Variants in SLC5A7 observed in about 807,000 individuals in gnomAD.
SLC5A7 encodes the protein solute carrier family 5 member 7.
A neutral mutation model predicts 55.4 loss-of-function variants in SLC5A7; 19 were observed. That is an observed-to-expected ratio of 0.34 (90% CI 0.24 to 0.50). The LOEUF is 0.50. Ranked by LOEUF, SLC5A7 falls within the 20% of genes least tolerant of loss-of-function variation. The pLI, the probability that SLC5A7 is intolerant of heterozygous loss-of-function variation, is 0.98. For synonymous variants in SLC5A7, 265 were observed against 263.7 expected (o/e 1.00, Z -0.05); for missense variants, 506 against 705.3 (o/e 0.72, Z 3.20).
intron 7 of SLC5A7, among the ~76,000 whole-genome samples, chr2:108,006,417 A>C (rs371648340): frequency 1.2e-3 from 146 of 126,566 alleles, no homozygotes; most frequent in African/African-American, 4.1e-3. Flanking sequence ...ACGGGGTTTC[A>C]TCATGTTGGT....
chr2:107,992,238 C>T lies in SLC5A7; in HGVS notation c.292+19C>T, dbSNP rs1440526083. 1 of 1,415,318 alleles carries T rather than the reference C, an allele frequency of 7.1e-7. No homozygotes were observed. Among genetic ancestry groups the T allele is most frequent in the Non-Finnish European group, 1.0e-6 (1 of 999,544 alleles). 87.7% of individuals were successfully genotyped at this position (1,415,318 alleles called of 1,614,324 possible). ...ATTTTAGGTAAGTGAAAGTGCAAAT[C>T]TCAGTGACTCACTCAGTAAAGTATA... On this transcript the variant is annotated intron_variant, in intron 3 of 8. Transcript: ENST00000264047.
At chr2:107,989,445 A>G (rs1182349759) in intron 2 of SLC5A7, among the ~76,000 whole-genome samples, 1 of 152,188 alleles carries the variant, frequency 6.6e-6, no homozygotes, top group Non-Finnish European at 1.5e-5. Context: ...GTGAGCCATC[A>G]GTTTTATCTT....
intron 8 of SLC5A7, among the ~76,000 whole-genome samples, 163 bp from the exon 9 acceptor site, chr2:108,010,069 T>C (rs1240864134): frequency 6.6e-6 from 1 of 152,164 alleles, no homozygotes; most frequent in Non-Finnish European, 1.5e-5. Context: ...CCTTGATTGT[T>C]TGCTTTGGGT....
At chr2:107,991,029 GGT>G (rs1677433475) in intron 2 of SLC5A7, among the ~76,000 whole-genome samples, 2 of 152,096 alleles carry the variant, frequency 1.3e-5, no homozygotes. Flanking sequence ...ACCTCAACAA[GGT>G]GTAAACTGCA....
chr2:108,004,289 G>C (rs1678024385), intron 6 of SLC5A7, among the ~76,000 whole-genome samples: 1 of 152,146 alleles, frequency 6.6e-6, no homozygotes, highest in African/African-American at 2.4e-5. Flanking sequence ...ATGATATATT[G>C]ATAAAACAGG....
At chr2:108,005,572 G>A (rs906799703) in intron 6 of SLC5A7, among the ~76,000 whole-genome samples, 1 of 152,126 alleles carries the variant, frequency 6.6e-6, no homozygotes, top group African/African-American at 2.4e-5. Context: ...AGTTCAGTTG[G>A]GTAACAAAGC....
intron 1 of SLC5A7, among the ~76,000 whole-genome samples, chr2:107,987,077 T>G (rs1677273878): frequency 6.6e-6 from 1 of 152,030 alleles, no homozygotes; most frequent in African/African-American, 2.4e-5. Flanking sequence ...GCGCTTCTTT[T>G]GCCTCCTTTA....
intron 5 of SLC5A7, among the ~76,000 whole-genome samples, chr2:108,000,097 C>T (rs181121242): frequency 1.8e-4 from 28 of 152,286 alleles, no homozygotes; most frequent in African/African-American, 5.8e-4. Context: ...TTATCTCTCC[C>T]ATTTCCCCAA....
chr2:108,011,422 A>G lies in SLC5A7; in HGVS notation c.*561A>G, dbSNP rs1230648331. ...AATTTGTTATTCTTTTATTAATGGC[A>G]TGTAATATTCTGAGCACGGGCAAAG... On this transcript the variant is annotated 3_prime_UTR_variant, in exon 9 of 9. Transcript: ENST00000264047. 6.6e-6 allele frequency: 1 copy of G among 152,218 alleles called. No individual in the cohort carries two copies. Among genetic ancestry groups the G allele is most frequent in the Non-Finnish European group, 1.5e-5 (1 of 68,044 alleles). 9.4% of individuals were successfully genotyped at this position (152,218 alleles called of 1,614,324 possible).
rs1226373610 is a variant in SLC5A7, at chr2:108,011,868, A to G, written c.*1007A>G. On this transcript the variant is annotated 3_prime_UTR_variant, in exon 9 of 9. Coordinates refer to ENST00000264047, the MANE Select transcript of SLC5A7 (RefSeq NM_021815.5). ...CTCCACAACACCTCCTGATAGTAGT[A>G]AAATTAGAAAAAAACAAACTCTACT... 6.6e-6 allele frequency: 1 copy of G among 152,336 alleles called. No homozygotes were observed. Among genetic ancestry groups the G allele is most frequent in the Non-Finnish European group, 1.5e-5 (1 of 68,020 alleles). 9.4% of individuals were successfully genotyped at this position (152,336 alleles called of 1,614,324 possible).
In SLC5A7 at chr2:107,994,399, T is replaced by C. The variant is rs575915088; in HGVS notation, c.448+1272T>C. Among the ~76,000 whole-genome samples the C allele has an allele frequency of 1.0e-3, 152 of 152,096 alleles. 1 individual carries two copies. The highest frequency in any genetic ancestry group is 2.0e-3 in the African/African-American group (81 of 41,496). On this transcript the variant is annotated intron_variant, in intron 4 of 8. Transcript: ENST00000264047. ...GAGATCGAGACCATCCTGGCCAACATAGTGAAACCCCATCTCTACTAAAAA... is the reference window on the plus strand; with the variant it reads ...GAGATCGAGACCATCCTGGCCAACACAGTGAAACCCCATCTCTACTAAAAA...
Position 107,997,854 on chromosome 2 carries a change from G to A in SLC5A7, c.465G>A (p.Val155=). ...TTGTTTCAGGAGCCACCATCAGCGTGATCATCGATGTGGATATGCACATTT... is the reference window on the plus strand; with the variant it reads ...TTGTTTCAGGAGCCACCATCAGCGTAATCATCGATGTGGATATGCACATTT... ...IFSALGATIS[V]IIDVDMHISV... is the part of the protein sequence containing the mutation. Residue 155 remains valine, a synonymous_variant, in exon 5 of 9, where the codon GTG becomes GTA. Coordinates refer to ENST00000264047, the MANE Select transcript of SLC5A7 (RefSeq NM_021815.5). 6.2e-7 allele frequency: 1 copy of A among 1,609,448 alleles called. No individual in the cohort carries two copies. The highest frequency in any genetic ancestry group is 1.1e-5 in the South Asian group (1 of 90,130).
chr2:107,988,713 G>A (rs1435772866), intron 2 of SLC5A7, among the ~76,000 whole-genome samples: 6 of 118,538 alleles, frequency 5.1e-5, no homozygotes, highest in Non-Finnish European at 9.8e-5. Context: ...GCATCTCAAC[G>A]TGTCCGGTAA....
rs1573601177 is a variant in SLC5A7, at chr2:107,997,923, G to A, written c.534G>A (p.Val178=). Residue 178 remains valine, a synonymous_variant, in exon 5 of 9, where the codon GTG becomes GTA. Transcript: ENST00000264047. ...TCATTGCCACTCTGTACACACTGGT[G>A]GGAGGGCTCTATTCTGTGGCCTACA... ...SALIATLYTL[V]GGLYSVAYTD... is the part of the protein sequence containing the mutation. 7 of 1,613,842 alleles carry A rather than the reference G, an allele frequency of 4.3e-6. No homozygotes were observed. Among genetic ancestry groups the A allele is most frequent in the Non-Finnish European group, 5.9e-6 (7 of 1,179,930 alleles).
At chr2:108,002,063 G>T (rs1431545533) in intron 6 of SLC5A7, 23 bp downstream of exon 6, 1 of 1,591,062 alleles carries the variant, frequency 6.3e-7, no homozygotes, top group South Asian at 1.1e-5. Flanking sequence ...CTTACCTGAA[G>T]AATGTGATTT....
At chr2:107,990,339 C>G (rs1207116496) in intron 2 of SLC5A7, among the ~76,000 whole-genome samples, 1 of 152,186 alleles carries the variant, frequency 6.6e-6, no homozygotes, top group Non-Finnish European at 1.5e-5. Context: ...AGTAGACTTA[C>G]ACAATGACGA....
intron 6 of SLC5A7, among the ~76,000 whole-genome samples, chr2:108,004,163 A>G (rs1378563595): frequency 6.6e-6 from 1 of 152,214 alleles, no homozygotes; most frequent in Non-Finnish European, 1.5e-5. Context: ...TTCTGTTTGT[A>G]GATGAAGTCA....
intron 6 of SLC5A7, 56 bp downstream of exon 6, chr2:108,002,096 G>C: frequency 6.4e-7 from 1 of 1,569,992 alleles, no homozygotes; most frequent in East Asian, 2.3e-5. Flanking sequence ...AATCAAATTT[G>C]TTTTCACGAT....
At position 107,997,822 on chromosome 2, in the gene SLC5A7, C is replaced by T. The variant is rs1344044603; in HGVS notation, c.449-16C>T. 6.2e-7 allele frequency: 1 copy of T among 1,601,014 alleles called. No individual in the cohort carries two copies. The highest frequency in any genetic ancestry group is 8.5e-7 in the Non-Finnish European group (1 of 1,173,484). On this transcript the variant is annotated splice_polypyrimidine_tract_variant and intron_variant, in intron 4 of 8. Transcript: ENST00000264047. ...GTCTGGGCACCTTGACCACAGAACT[C>T]TCTTGTTTGTTTCAGGAGCCACCAT...
Sources: allele counts gnomAD v4.1 joint callset (sites outside exome capture counted in the v4.1 genomes callset), GRCh38; gene constraint gnomAD v4.1.1; transcripts MANE v1.5; gene names NCBI Gene and HGNC (gene_info 2026-07-23, HGNC 2026-07-21).